ENTREP3: variants seen among roughly 807,000 people sequenced by gnomAD.
ENTREP3 encodes protein ENTREP3.
the ENTREP3 span, chr1:155,250,409 C>A: frequency 1.0e-5 from 4 of 401,738 alleles, no homozygotes; most frequent in Non-Finnish European, 2.0e-5. This position sits in a 1 kb window ranked among gnomAD's most constrained non-coding sequence, Gnocchi z 5.4. Context: ...AGCGACGAGT[C>A]GGGGCTCGGG....
At chr1:155,254,973 C>A in the ENTREP3 span, 1 of 984,670 alleles carries the variant, frequency 1.0e-6, no homozygotes, top group Admixed American at 2.1e-5. The surrounding 1 kb of genome is among the most constrained non-coding windows in gnomAD (Gnocchi z 4.4). Context: ...CCTCTCCACC[C>A]CACTCGCTCT....
the ENTREP3 span, among the ~76,000 whole-genome samples, chr1:155,249,949 T>C: frequency 6.7e-6 from 1 of 148,478 alleles, no homozygotes; most frequent in Non-Finnish European, 1.5e-5. Flanking sequence ...TCCCAGCTAC[T>C]CGGCAGGCTG....
At chr1:155,252,690 G>GTGTATGTATATATATA in the ENTREP3 span, 1 of 32,880 alleles carries the variant, frequency 3.0e-5, no homozygotes, top group African/African-American at 1.9e-4. Context: ...AATTTTGTGT[G>GTGTATGTATATATATA]TATATATATA....
At chr1:155,254,819 C>G in the ENTREP3 span, 1 of 1,607,814 alleles carries the variant, frequency 6.2e-7, no homozygotes, top group East Asian at 2.2e-5. The surrounding 1 kb of genome is among the most constrained non-coding windows in gnomAD (Gnocchi z 4.4). Flanking sequence ...GTGGGTAAGG[C>G]CCCTGGTGCT....
chr1:155,250,220 C>G, the ENTREP3 span: 43 of 1,469,966 alleles, frequency 2.9e-5, no homozygotes, highest in South Asian at 5.3e-4. The surrounding 1 kb of genome is among the most constrained non-coding windows in gnomAD (Gnocchi z 5.4). Flanking sequence ...TCACTGGCCA[C>G]CTAACTCCCA....
chr1:155,247,228 C>A, the ENTREP3 span: 1 of 333,324 alleles, frequency 3.0e-6, no homozygotes, highest in Admixed American at 3.8e-5. Flanking sequence ...AAGGGGAAAA[C>A]TGAAATTTAT....
At chr1:155,254,100 A>T in the ENTREP3 span, 1,235 of 1,614,116 alleles carry the variant, frequency 7.7e-4, 7 homozygotes, top group African/African-American at 0.014. This position sits in a 1 kb window ranked among gnomAD's most constrained non-coding sequence, Gnocchi z 4.4. Flanking sequence ...GCACTGTTGG[A>T]AGTCTCGGGC....
At chr1:155,251,877 G>A in the ENTREP3 span, 8 of 1,496,244 alleles carry the variant, frequency 5.3e-6, no homozygotes, top group Non-Finnish European at 7.1e-6. Context: ...AGGTCCCAGT[G>A]GGCCTGAGAC....
the ENTREP3 span, chr1:155,254,647 A>G: frequency 6.2e-7 from 1 of 1,604,622 alleles, no homozygotes; most frequent in African/African-American, 1.3e-5. This position sits in a 1 kb window ranked among gnomAD's most constrained non-coding sequence, Gnocchi z 4.4. Context: ...TGTGCACCCA[A>G]CTCACCGAGA....
chr1:155,250,984 T>A, the ENTREP3 span: 4 of 1,274,066 alleles, frequency 3.1e-6, no homozygotes, highest in African/African-American at 5.9e-5. The surrounding 1 kb of genome is among the most constrained non-coding windows in gnomAD (Gnocchi z 5.4). Flanking sequence ...ACAGCCCTCC[T>A]ATGTCCCCAA....
the ENTREP3 span, among the ~76,000 whole-genome samples, chr1:155,252,232 C>T: frequency 6.6e-6 from 1 of 151,408 alleles, no homozygotes; most frequent in African/African-American, 2.4e-5. Context: ...GAGACAGAGT[C>T]TGACTCTGTT....
the ENTREP3 span, chr1:155,254,908 G>A: frequency 2.6e-6 from 4 of 1,514,668 alleles, no homozygotes; most frequent in Non-Finnish European, 3.6e-6. This position sits in a 1 kb window ranked among gnomAD's most constrained non-coding sequence, Gnocchi z 4.4. Context: ...CGCCTCGCTC[G>A]GCCCTCCCTG....
the ENTREP3 span, chr1:155,253,529 G>T: frequency 2.5e-6 from 2 of 802,224 alleles, no homozygotes; most frequent in Non-Finnish European, 4.1e-6. Context: ...GTGCTCAAAA[G>T]CCAGATCTGT....
chr1:155,255,424 CGCTCCGCTCCCCGA>C, the ENTREP3 span: 5 of 153,022 alleles, frequency 3.3e-5, no homozygotes, highest in African/African-American at 9.6e-5. This position sits in a 1 kb window ranked among gnomAD's most constrained non-coding sequence, Gnocchi z 5.6. Context: ...CTCCCCACCA[CGCTCCGCTCCCCGA>C]GCTCCGGCTG....
chr1:155,252,910 CGTTT>C, the ENTREP3 span: 2 of 137,202 alleles, frequency 1.5e-5, no homozygotes, highest in Admixed American at 7.2e-5. Flanking sequence ...TTTTGTATTT[CGTTT>C]GTTTGTTTTT....
At chr1:155,252,690 G>GTGTATATATATATATATATATATA in the ENTREP3 span, 1 of 32,876 alleles carries the variant, frequency 3.0e-5, no homozygotes, top group Non-Finnish European at 4.6e-5. Flanking sequence ...AATTTTGTGT[G>GTGTATATATATATATATATATATA]TATATATATA....
At chr1:155,248,508 G>C in the ENTREP3 span, 4 of 1,597,016 alleles carry the variant, frequency 2.5e-6, no homozygotes, top group Non-Finnish European at 3.4e-6. Flanking sequence ...CAGGGAGTGA[G>C]TGGAAGTGTT....
the ENTREP3 span, chr1:155,254,416 C>T: frequency 2.0e-5 from 32 of 1,614,194 alleles, no homozygotes; most frequent in Non-Finnish European, 2.6e-5. This position sits in a 1 kb window ranked among gnomAD's most constrained non-coding sequence, Gnocchi z 4.4. Context: ...AGTGAATGGC[C>T]GCTTCCAGGA....
the ENTREP3 span, chr1:155,255,138 C>CG: frequency 1.8e-6 from 1 of 570,386 alleles, no homozygotes; most frequent in East Asian, 2.9e-5. The surrounding 1 kb of genome is among the most constrained non-coding windows in gnomAD (Gnocchi z 5.6). Flanking sequence ...GATGAGGACG[C>CG]GGGGGCACCG....
Sources: allele counts gnomAD v4.1 joint callset (sites outside exome capture counted in the v4.1 genomes callset), GRCh38; gene constraint gnomAD v4.1.1; non-coding constraint Gnocchi (gnomAD v3.1); transcripts MANE v1.5; gene names NCBI Gene and HGNC (gene_info 2026-07-23, HGNC 2026-07-21).